The following ROBO1 variants were observed in gnomAD, a reference collection of about 807,000 sequenced individuals.
ROBO1 encodes roundabout homolog 1.
Under a neutral mutation model 195.9 loss-of-function variants are expected in ROBO1, and 149 were observed. The ratio of observed to expected loss-of-function variants is 0.76; its 90% CI spans 0.67 to 0.87. The LOEUF (loss-of-function observed/expected upper bound fraction) is 0.87. Among genes scored for constraint, ROBO1 ranks in the 40% least tolerant of loss-of-function variants. ROBO1 has a pLI of 0.00. For synonymous variants in ROBO1, 816 were observed against 733.2 expected (o/e 1.11, Z -1.82); for missense variants, 1,933 against 2,068.3 (o/e 0.93, Z 1.27).
chr3:79,311,605 C>A (rs987202054), intron 2 of ROBO1, among the ~76,000 whole-genome samples: 1 of 152,096 alleles, frequency 6.6e-6, no homozygotes, highest in African/African-American at 2.4e-5. Context: ...ATCTAAGTAG[C>A]TGGTTGAGGA....
At chr3:79,095,713 T>C (rs773221030) in intron 3 of ROBO1, among the ~76,000 whole-genome samples, 1 of 152,122 alleles carries the variant, frequency 6.6e-6, no homozygotes, top group Admixed American at 6.6e-5. Flanking sequence ...AATGTACTTC[T>C]GTTGTACAAG....
At chr3:79,023,123 C>G (rs557520016) in intron 3 of ROBO1, among the ~76,000 whole-genome samples, 95 of 148,486 alleles carry the variant, frequency 6.4e-4, no homozygotes, top group African/African-American at 2.3e-3. Context: ...CCCTGGGATG[C>G]AAGCCATAAG....
At chr3:79,629,168 C>G (rs975363971) in intron 1 of ROBO1, among the ~76,000 whole-genome samples, 5 of 152,062 alleles carry the variant, frequency 3.3e-5, no homozygotes, top group African/African-American at 1.2e-4. Context: ...GACATTTTCA[C>G]AACATTTCAT....
intron 4 of ROBO1, among the ~76,000 whole-genome samples, chr3:78,769,389 C>T (rs1022353317): frequency 2.6e-5 from 4 of 152,162 alleles, no homozygotes; most frequent in Non-Finnish European, 4.4e-5. Context: ...TACTCCTGCT[C>T]GCTTTTGGTG....
chr3:78,669,766 A>G (rs1707955144), intron 11 of ROBO1, among the ~76,000 whole-genome samples: 1 of 152,222 alleles, frequency 6.6e-6, no homozygotes, highest in Admixed American at 6.5e-5. Flanking sequence ...ATCTTAAAAG[A>G]TGCTTTATGG....
At chr3:79,025,515 A>G (rs2078187227) in intron 3 of ROBO1, among the ~76,000 whole-genome samples, 2 of 152,144 alleles carry the variant, frequency 1.3e-5, no homozygotes, top group African/African-American at 4.8e-5. Flanking sequence ...TGTTTGCTGA[A>G]TGAATGAATG....
At chr3:79,761,253 T>TA (rs1226959732) in intron 1 of ROBO1, among the ~76,000 whole-genome samples, 1 of 150,586 alleles carries the variant, frequency 6.6e-6, no homozygotes, top group Non-Finnish European at 1.5e-5. Flanking sequence ...GAATTAATCA[T>TA]AAAAAAATAT....
chr3:78,686,921 A>G (rs2081065484), intron 9 of ROBO1, among the ~76,000 whole-genome samples: 1 of 152,190 alleles, frequency 6.6e-6, no homozygotes, highest in Non-Finnish European at 1.5e-5. Context: ...TATATGTCAC[A>G]CAAAAAAATA....
intron 2 of ROBO1, among the ~76,000 whole-genome samples, chr3:79,467,996 G>T (rs1225912670): frequency 6.6e-6 from 1 of 152,164 alleles, no homozygotes; most frequent in Non-Finnish European, 1.5e-5. Flanking sequence ...ACAGCCAAAG[G>T]GTTCATGGAA....
chr3:79,107,725 C>T (rs561985612), intron 3 of ROBO1, among the ~76,000 whole-genome samples: 2 of 151,720 alleles, frequency 1.3e-5, no homozygotes, highest in South Asian at 2.1e-4. Flanking sequence ...AATTTACAAA[C>T]ATTGGTTGAT....
intron 26 of ROBO1, among the ~76,000 whole-genome samples, chr3:78,624,472 C>G (rs1704638185): frequency 6.6e-6 from 1 of 152,060 alleles, no homozygotes; most frequent in Admixed American, 6.6e-5. Context: ...TTGAGAAAGG[C>G]TGAAAATAGT....
At chr3:79,180,668 G>T (rs2081325427) in intron 2 of ROBO1, among the ~76,000 whole-genome samples, 2 of 152,150 alleles carry the variant, frequency 1.3e-5, no homozygotes. Context: ...TTAACTACCT[G>T]AAATGGCCTG....
At chr3:79,085,288 G>A (rs1019882721) in intron 3 of ROBO1, among the ~76,000 whole-genome samples, 1 of 152,056 alleles carries the variant, frequency 6.6e-6, no homozygotes, top group African/African-American at 2.4e-5. Flanking sequence ...TAGTTATTCT[G>A]GACACTTCTG....
At chr3:79,680,035 G>A (rs1946898062) in intron 1 of ROBO1, among the ~76,000 whole-genome samples, 1 of 151,998 alleles carries the variant, frequency 6.6e-6, no homozygotes, top group East Asian at 1.9e-4. Flanking sequence ...ATGAAAAATA[G>A]TTTATTTCTT....
chr3:78,835,631 A>T (rs1576259641), intron 4 of ROBO1, among the ~76,000 whole-genome samples: 1 of 79,670 alleles, frequency 1.3e-5, no homozygotes, highest in South Asian at 6.6e-4. Context: ...AGTTTTAAGC[A>T]GACAATTTGT....
intron 2 of ROBO1, among the ~76,000 whole-genome samples, chr3:79,380,074 A>G (rs1194113954): frequency 6.6e-6 from 1 of 152,188 alleles, no homozygotes; most frequent in Non-Finnish European, 1.5e-5. Context: ...TAATTATTCT[A>G]ACCTTCCAAT....
At chr3:79,476,544 G>T (rs1312168600) in intron 2 of ROBO1, among the ~76,000 whole-genome samples, 1 of 151,984 alleles carries the variant, frequency 6.6e-6, no homozygotes, top group Non-Finnish European at 1.5e-5. Context: ...TAAATAAATT[G>T]TGGTGTATAT....
intron 2 of ROBO1, among the ~76,000 whole-genome samples, chr3:79,511,401 A>T (rs1457905849): frequency 6.6e-6 from 1 of 152,134 alleles, no homozygotes; most frequent in Non-Finnish European, 1.5e-5. Flanking sequence ...ATATTAGTAA[A>T]TTTCTCTACT....
chr3:79,550,188 A>C (rs968829856), intron 2 of ROBO1, among the ~76,000 whole-genome samples: 7 of 85,714 alleles, frequency 8.2e-5, no homozygotes, highest in Non-Finnish European at 1.1e-4. Context: ...AGAAAGAAAG[A>C]AAGAAAGGAA....
Sources: gnomAD v4.1 joint callset for allele counts (sites outside exome capture counted in the v4.1 genomes callset) on GRCh38, gnomAD v4.1.1 for gene constraint, MANE v1.5 for transcripts, NCBI Gene and HGNC (gene_info 2026-07-23, HGNC 2026-07-21) for gene names.